SIPA1L1: variants seen among roughly 807,000 people sequenced by gnomAD.
SIPA1L1 encodes the protein signal-induced proliferation-associated 1-like protein 1.
Under a neutral mutation model 162.7 loss-of-function variants are expected in SIPA1L1, and 26 were observed. The ratio of observed to expected loss-of-function variants is 0.16; its 90% CI spans 0.12 to 0.22. The LOEUF (loss-of-function observed/expected upper bound fraction) is 0.22, where lower values mean the gene tolerates loss of function less well. Among genes scored for constraint, SIPA1L1 ranks in the 10% least tolerant of loss-of-function variants. SIPA1L1 has a pLI of 1.00. For missense variants in SIPA1L1, 1,874 were observed against 2,241.0 expected (o/e 0.84, Z 3.31); for synonymous variants, 829 against 837.4 (o/e 0.99, Z 0.17).
rs187001610 is a variant in SIPA1L1, at chr14:71,681,559, C to G, written c.3105-3803C>G. Among the ~76,000 whole-genome samples, 156 of 152,290 alleles carry G rather than the reference C, an allele frequency of 1.0e-3. 1 individual carries two copies. The highest frequency in any genetic ancestry group is 2.1e-3 in the Non-Finnish European group (140 of 68,022). On this transcript the variant is annotated intron_variant, in intron 12 of 23. Transcript: ENST00000381232. ...TTTAAAAATCCAGTATTTTAAAGTG[C>G]TAAAGCATACTGCTTTAGAGTGAAG...
chr14:71,547,772 G>T (rs553592566), intron 4 of SIPA1L1, among the ~76,000 whole-genome samples: 1 of 152,084 alleles, frequency 6.6e-6, no homozygotes, highest in African/African-American at 2.4e-5. Context: ...ACAGATGCTC[G>T]TGAGCTGCAC....
intron 22 of SIPA1L1, among the ~76,000 whole-genome samples, chr14:71,737,874 A>G (rs1481486044): frequency 6.6e-6 from 1 of 152,086 alleles, no homozygotes; most frequent in Non-Finnish European, 1.5e-5. Context: ...AGCCCACTAG[A>G]GAGATCCCAG....
intron 4 of SIPA1L1, among the ~76,000 whole-genome samples, chr14:71,582,070 G>T (rs1268386031): frequency 6.6e-6 from 1 of 152,062 alleles, no homozygotes; most frequent in African/African-American, 2.4e-5. Context: ...CCATGGGTTG[G>T]GTGCACTGGC....
intron 4 of SIPA1L1, among the ~76,000 whole-genome samples, chr14:71,529,825 T>C (rs1212741029): frequency 6.6e-6 from 1 of 152,248 alleles, no homozygotes; most frequent in Non-Finnish European, 1.5e-5. Flanking sequence ...GTAATCCTTT[T>C]CTACCCAGCG....
At chr14:71,669,412 T>G (rs2044315925) in intron 10 of SIPA1L1, among the ~76,000 whole-genome samples, 3 of 152,192 alleles carry the variant, frequency 2.0e-5, no homozygotes, top group Admixed American at 6.5e-5. Flanking sequence ...AAATCACAGA[T>G]ATTTTCTGAG....
chr14:71,672,669 T>G (rs1232899119), intron 12 of SIPA1L1, 47 bp downstream of exon 12: 1 of 1,588,412 alleles, frequency 6.3e-7, no homozygotes, highest in Non-Finnish European at 8.6e-7. Context: ...AGTGCAGGGT[T>G]TGTGTACCAT....
At position 71,700,994 on chromosome 14, in the gene SIPA1L1, CAAAAAAAAAAAAAAAAAAAAAAAAAA is replaced by C. The variant is rs539293669; in HGVS notation, c.3522-1372_3522-1347del. 1.2e-3 allele frequency among the ~76,000 whole-genome samples: 60 copies of C among 51,750 alleles called. No homozygotes were observed. The South Asian group carries it at 0.05, about 43-fold the overall frequency. The allele number at this position is 51,750 out of a possible 152,430, so 34.0% of individuals were successfully genotyped here. A position where few individuals can be genotyped will look rare whatever the true frequency, so the allele number is the denominator to read the frequency against. On this transcript the variant is annotated intron_variant, in intron 14 of 23. Transcript: ENST00000381232. Reference sequence around the variant, plus strand: ...TAGGGGACAGAGCAAGACTCCGTCTCAAAAAAAAAAAAAAAAAAAAAAAAAAAAAAAAAAAAAAAAGTTTTATTAAG... The same window carrying C: ...TAGGGGACAGAGCAAGACTCCGTCTCAAAAAAAAAAAAAAGTTTTATTAAG...
chr14:71,522,907 A>G (rs1399617808), intron 3 of SIPA1L1, among the ~76,000 whole-genome samples: 2 of 152,058 alleles, frequency 1.3e-5, no homozygotes, highest in African/African-American at 4.8e-5. Context: ...TGGCCAGGCT[A>G]GGTGATCCAC....
At chr14:71,452,075 G>A (rs546176662) in intron 2 of SIPA1L1, among the ~76,000 whole-genome samples, 1 of 152,016 alleles carries the variant, frequency 6.6e-6, no homozygotes, top group African/African-American at 2.4e-5. Flanking sequence ...TAGATCCTAC[G>A]TTTTCACCTT....
intron 12 of SIPA1L1, 82 bp from the exon 13 acceptor site, chr14:71,685,280 G>A: frequency 7.0e-7 from 1 of 1,431,466 alleles, no homozygotes; most frequent in Non-Finnish European, 9.7e-7. Context: ...CCATTTTTAA[G>A]TGTTAATGAG....
chr14:71,461,479 A>C (rs1220080717), intron 2 of SIPA1L1, among the ~76,000 whole-genome samples: 2 of 152,092 alleles, frequency 1.3e-5, no homozygotes, highest in Admixed American at 1.3e-4. Context: ...GATTATTAAA[A>C]TCCTCCTCTG....
At chr14:71,664,665 A>AT (rs1219086203) in intron 10 of SIPA1L1, among the ~76,000 whole-genome samples, 2 of 152,082 alleles carry the variant, frequency 1.3e-5, no homozygotes, top group South Asian at 2.1e-4. Context: ...CATTCTTTCT[A>AT]TTTTTTGTAC....
intron 22 of SIPA1L1, 30 bp downstream of exon 22, chr14:71,735,421 C>T (rs573705417): frequency 6.3e-6 from 9 of 1,420,546 alleles, no homozygotes; most frequent in Middle Eastern, 1.9e-4. Flanking sequence ...CAGTACTCTG[C>T]ACCTTGTGTC....
intron 7 of SIPA1L1, among the ~76,000 whole-genome samples, chr14:71,642,398 G>A (rs879296255): frequency 2.0e-5 from 3 of 152,130 alleles, no homozygotes; most frequent in East Asian, 3.9e-4. Flanking sequence ...CCTCTGGTGC[G>A]AATAGTTTCA....
chr14:71,722,371 C>G (rs1057459438), intron 17 of SIPA1L1, among the ~76,000 whole-genome samples: 1 of 152,182 alleles, frequency 6.6e-6, no homozygotes, highest in Non-Finnish European at 1.5e-5. Context: ...TAACTAGAGT[C>G]TGTACTTTAT....
At chr14:71,650,948 C>A (rs1398208544) in intron 8 of SIPA1L1, among the ~76,000 whole-genome samples, 2 of 151,930 alleles carry the variant, frequency 1.3e-5, no homozygotes, top group Non-Finnish European at 2.9e-5. Flanking sequence ...TTTTTGTATT[C>A]TTTTTACATC....
chr14:71,335,608 T>C (rs1313999012), intron 2 of SIPA1L1, among the ~76,000 whole-genome samples: 6 of 152,192 alleles, frequency 3.9e-5, no homozygotes, highest in African/African-American at 1.4e-4. Flanking sequence ...GCTTTAATAA[T>C]GAAGGCCTCA....
intron 2 of SIPA1L1, among the ~76,000 whole-genome samples, chr14:71,507,520 G>A (rs1033910712): frequency 1.8e-4 from 27 of 152,222 alleles, no homozygotes; most frequent in African/African-American, 6.0e-4. Flanking sequence ...CTTTACAGTG[G>A]ACCATGATCT....
chr14:71,323,988 C>G (rs146450700), intron 2 of SIPA1L1, among the ~76,000 whole-genome samples: 2,556 of 152,102 alleles, frequency 0.017, 69 homozygotes, highest in African/African-American at 0.059. Flanking sequence ...AGAATTTGTC[C>G]TCAGAAGGTC....
Sources: gnomAD v4.1 joint callset for allele counts (sites outside exome capture counted in the v4.1 genomes callset) on GRCh38, gnomAD v4.1.1 for gene constraint, MANE v1.5 for transcripts, NCBI Gene and HGNC (gene_info 2026-07-23, HGNC 2026-07-21) for gene names.